The following TTLL10 variants were observed in gnomAD, a reference collection of about 807,000 sequenced individuals.
TTLL10 encodes inactive polyglycylase TTLL10.
TTLL10 carries 61 observed loss-of-function variants against 69.0 expected under a neutral mutation model. The observed-to-expected ratio is 0.88, with a 90% CI of 0.72 to 1.09. The LOEUF is 1.09. Ranked by LOEUF, TTLL10 falls within the 50% of genes least tolerant of loss-of-function variation. The pLI is 0.00. For missense variants in TTLL10, 962 were observed against 945.9 expected, an observed-to-expected ratio of 1.02 and a Z score of -0.22; for synonymous variants, 408 against 393.3, an observed-to-expected ratio of 1.04 and a Z score of -0.44.
In TTLL10 at chr1:1,180,886, C is replaced by T. The variant is rs368714026; in HGVS notation, c.755+26C>T. 294 of 1,533,774 alleles carry T rather than the reference C, an allele frequency of 1.9e-4. 1 individual carries two copies. The African/African-American group carries it at 2.6e-3, about 13-fold the overall frequency. On this transcript the variant is annotated intron_variant, in intron 8 of 15. Transcript: ENST00000379289. Reference sequence around the variant, plus strand: ...GTGAGTCTGCCCCTGCCCCTGCCCCCGTCCCTGCGCCCGCCCCTACGCCTG... The same window carrying T: ...GTGAGTCTGCCCCTGCCCCTGCCCCTGTCCCTGCGCCCGCCCCTACGCCTG...
chr1:1,187,555 G>A (rs985982304), intron 13 of TTLL10, among the ~76,000 whole-genome samples: 10 of 152,080 alleles, frequency 6.6e-5, no homozygotes, highest in Non-Finnish European at 1.0e-4. Context: ...GCTTGAACCC[G>A]GGAGGTGGAG....
intron 10 of TTLL10, 38 bp from the exon 11 acceptor site, chr1:1,182,838 G>A: frequency 6.6e-7 from 1 of 1,517,638 alleles, no homozygotes; most frequent in Non-Finnish European, 8.9e-7. Flanking sequence ...TGGCTGGGTT[G>A]GGGGCGAGGC....
At chr1:1,187,626 T>C (rs527934329) in intron 13 of TTLL10, among the ~76,000 whole-genome samples, 2 of 151,278 alleles carry the variant, frequency 1.3e-5, no homozygotes, top group East Asian at 3.9e-4. Context: ...CAAGACTCCA[T>C]CTCAAAAAAC....
intron 15 of TTLL10, 77 bp downstream of exon 15, chr1:1,197,263 C>A: frequency 7.2e-7 from 1 of 1,394,138 alleles, no homozygotes; most frequent in Non-Finnish European, 9.9e-7. Flanking sequence ...TTCCCAAGTT[C>A]AGACCCCCAC....
At position 1,196,638 on chromosome 1, in the gene TTLL10, C is replaced by T. The variant is rs748317751; in HGVS notation, c.1440C>T (p.Ala480=). The change falls in exon 14 of 16, where the codon GCC becomes GCT. Residue 480 remains alanine, a synonymous_variant. Coordinates refer to ENST00000379289, the MANE Select transcript of TTLL10 (RefSeq NM_001130045.2). ...AGATCATGGCCCACTGCTTTCTGGC[C>T]GCCAAGCCCAAGCTGGACTGCAAGC... ...MQQIMAHCFL[A]AKPKLDCKLG... 147 of 1,551,700 alleles carry T rather than the reference C, an allele frequency of 9.5e-5. 4 individuals carry two copies. In the South Asian group the frequency reaches 1.3e-3, roughly 14 times the overall value.
chr1:1,193,062 C>T (rs369661793), intron 13 of TTLL10, among the ~76,000 whole-genome samples: 4 of 152,344 alleles, frequency 2.6e-5, no homozygotes, highest in Admixed American at 6.5e-5. Flanking sequence ...CACGGTGGCT[C>T]ACGCCTGTAA....
At chr1:1,179,999 G>A (rs111649714) in intron 5 of TTLL10, 35 bp from the exon 6 acceptor site, 34,236 of 1,484,830 alleles carry the variant, frequency 0.023, 471 homozygotes, top group African/African-American at 0.03. Flanking sequence ...GGCAGCTCCC[G>A]TAGCCACCCC....
chr1:1,177,091 T>C (rs1012802898), intron 3 of TTLL10, among the ~76,000 whole-genome samples: 1 of 150,768 alleles, frequency 6.6e-6, no homozygotes, highest in Non-Finnish European at 1.5e-5. Context: ...TGTGTGTGTG[T>C]CTGTGTGTAC....
chr1:1,185,052 T>C lies in TTLL10; in HGVS notation c.1344T>C (p.Ser448=). ...TGGAACACCTCAACCGCTACATCAG[T>C]GACACGTTCTGGAAGGCCCGGGGCC... ...WSMEHLNRYI[S]DTFWKARGLA... Residue 448 remains serine, a synonymous_variant, in exon 13 of 16, where the codon AGT becomes AGC. Transcript: ENST00000379289. This position sits in a 1 kb window ranked among gnomAD's most constrained non-coding sequence, Gnocchi z 6.1. 6.2e-7 allele frequency: 1 copy of C among 1,614,068 alleles called. No homozygotes were observed. Among genetic ancestry groups the C allele is most frequent in the Non-Finnish European group, 8.5e-7 (1 of 1,180,006 alleles).
intron 10 of TTLL10, among the ~76,000 whole-genome samples, 159 bp from the exon 11 acceptor site, chr1:1,182,717 C>T (rs1007155817): frequency 3.3e-5 from 5 of 151,878 alleles, no homozygotes; most frequent in Non-Finnish European, 4.4e-5. Context: ...GGTCGAGGCA[C>T]GGGCAGGAGC....
Position 1,184,979 on chromosome 1 carries a change from A to G in TTLL10, c.1271A>G (p.Lys424Arg). 6.2e-7 allele frequency: 1 copy of G among 1,612,686 alleles called. No homozygotes were observed. ...GGHLTNQFMQ[K>R]KSPLYMLLKE... ...ACCGTGTGCCCCCAGTTCATGCAGA[A>G]GAAGAGCCCTCTGTACATGCTGCTG... Residue 424 changes from lysine to arginine, a missense_variant, in exon 13 of 16, where the codon AAG becomes AGG. By Grantham distance (26) the Lys-to-Arg change is conservative (BLOSUM62 2). Transcript: ENST00000379289.
chr1:1,175,587 C>T, intron 3 of TTLL10: 1 of 412,388 alleles, frequency 2.4e-6, no homozygotes, highest in Non-Finnish European at 4.9e-6. Flanking sequence ...CTATCCTGAG[C>T]TGTCCCTGAG....
Position 1,183,996 on chromosome 1 carries a change from CCCT to C in TTLL10, c.1166_1168del (p.Pro389_Tyr390delinsHis). The C allele has an allele frequency of 6.2e-7, 1 of 1,614,226 alleles. No homozygotes were observed. Among genetic ancestry groups the C allele is most frequent in the Non-Finnish European group, 8.5e-7 (1 of 1,180,028 alleles). On this transcript the variant is annotated inframe_deletion, in exon 12 of 16. Transcript: ENST00000379289. ...CTACCTGCTCATTGCCTGCACCACA[CCCT>C]ACATGATCTTCTTTGGCCACGGCTA...
chr1:1,190,510 C>G (rs914865916), intron 13 of TTLL10, among the ~76,000 whole-genome samples: 7 of 151,872 alleles, frequency 4.6e-5, no homozygotes, highest in African/African-American at 1.7e-4. Context: ...TCACTGCAAC[C>G]TCTGCCTCCC....
intron 3 of TTLL10, chr1:1,175,374 T>C (rs929797789): frequency 1.0e-5 from 3 of 296,730 alleles, no homozygotes; most frequent in Non-Finnish European, 2.0e-5. Flanking sequence ...AAAAAGCACC[T>C]GATGCTGCTG....
chr1:1,186,858 T>G (rs1647368019), intron 13 of TTLL10, among the ~76,000 whole-genome samples: 1 of 151,666 alleles, frequency 6.6e-6, no homozygotes, highest in Admixed American at 6.6e-5. Flanking sequence ...TTGTTTTTTT[T>G]TTTTTGAGAC....
Position 1,183,932 on chromosome 1 carries a change from C to T in TTLL10, c.1101C>T (p.Asn367=). 6.2e-7 allele frequency: 1 copy of T among 1,614,186 alleles called. No individual in the cohort carries two copies. The highest frequency in any genetic ancestry group is 1.1e-5 in the South Asian group (1 of 91,088). Residue 367 remains asparagine, a synonymous_variant, in exon 12 of 16, where the codon AAC becomes AAT. Coordinates refer to ENST00000379289, the MANE Select transcript of TTLL10 (RefSeq NM_001130045.2). ...QARVVQRYIQ[N]PLLVDGRKFD... ...ATGGTGCCCCCAGGTACATCCAGAA[C>T]CCGCTGCTGGTGGACGGGAGAAAGT...
rs369556262 is a variant in TTLL10 at position 1,187,056 on chromosome 1, C to T, written c.1401+1947C>T. On this transcript the variant is annotated intron_variant, in intron 13 of 15. Coordinates refer to ENST00000379289, the MANE Select transcript of TTLL10 (RefSeq NM_001130045.2). ...AGAGACAGGGTTTCACCGTGTTAGC[C>T]AGGATGGTCTCGATCTCCTGACCTC... 1.0e-3 allele frequency among the ~76,000 whole-genome samples: 155 copies of T among 151,734 alleles called. No individual in the cohort carries two copies. In the East Asian group the frequency reaches 0.018, roughly 18 times the overall value.
rs373544277 is a variant in TTLL10, at chr1:1,180,018, C to G, written c.200-16C>G. On this transcript the variant is annotated splice_polypyrimidine_tract_variant and intron_variant, in intron 5 of 15. Coordinates refer to ENST00000379289, the MANE Select transcript of TTLL10 (RefSeq NM_001130045.2). ...GCTCCCGTAGCCACCCCGGTGGGAC[C>G]CCACCCCGTTCACAGGCCCGGCCCA... 163 of 1,513,776 alleles carry G rather than the reference C, an allele frequency of 1.1e-4. No homozygotes were observed. In the African/African-American group the frequency reaches 2.2e-3, roughly 20 times the overall value. 93.8% of individuals were successfully genotyped at this position (1,513,776 alleles called of 1,614,324 possible). A position where few individuals can be genotyped will look rare whatever the true frequency, so the allele number is the denominator to read the frequency against.
Sources: allele counts gnomAD v4.1 joint callset (sites outside exome capture counted in the v4.1 genomes callset), GRCh38; gene constraint gnomAD v4.1.1; non-coding constraint Gnocchi (gnomAD v3.1); transcripts MANE v1.5; gene names NCBI Gene and HGNC (gene_info 2026-07-23, HGNC 2026-07-21).